Variants in RPS6KC1 observed in about 807,000 individuals in gnomAD.
RPS6KC1 encodes inactive ribosomal protein S6 kinase delta-1.
In RPS6KC1, 54 loss-of-function variants were observed where a neutral mutation model predicts 103.8. That is an observed-to-expected ratio of 0.52 (90% CI 0.42 to 0.65). The LOEUF (loss-of-function observed/expected upper bound fraction) is 0.65, where lower values mean the gene tolerates loss of function less well. RPS6KC1 is among the 30% of genes least tolerant of loss of function. RPS6KC1 has a pLI of 0.00. For synonymous variants in RPS6KC1, 439 were observed against 438.7 expected (o/e 1.00, Z -0.01); for missense variants, 1,151 against 1,253.8 (o/e 0.92, Z 1.24).
chr1:213,274,158 T>C lies in RPS6KC1; in HGVS notation c.*1524T>C, dbSNP rs916565363. On this transcript the variant is annotated 3_prime_UTR_variant, in exon 15 of 15. Transcript: ENST00000366960. ...GCTGAAAGGCTGCAACAACACCAGGTTGGGGAGCAGGTCACCAGGATCATA... is the reference window on the plus strand; with the variant it reads ...GCTGAAAGGCTGCAACAACACCAGGCTGGGGAGCAGGTCACCAGGATCATA... 2 of 152,178 alleles carry C rather than the reference T, an allele frequency of 1.3e-5. No homozygotes were observed. Among genetic ancestry groups the C allele is most frequent in the Non-Finnish European group, 2.9e-5 (2 of 68,032 alleles). 9.4% of individuals were successfully genotyped at this position (152,178 alleles called of 1,614,324 possible).
At chr1:213,363,277 A>G in the RPS6KC1 span, among the ~76,000 whole-genome samples, 6 of 152,166 alleles carry the variant, frequency 3.9e-5, no homozygotes, top group Admixed American at 3.3e-4. Context: ...TTGATCAGTT[A>G]GAATTCACTC....
chr1:213,138,766 C>T (rs1356864196), intron 6 of RPS6KC1, among the ~76,000 whole-genome samples: 1 of 152,172 alleles, frequency 6.6e-6, no homozygotes, highest in East Asian at 1.9e-4. Flanking sequence ...CGTTGATGGG[C>T]ATCTAGCTTG....
intron 4 of RPS6KC1, among the ~76,000 whole-genome samples, chr1:213,108,936 C>T (rs187697605): frequency 4.6e-5 from 7 of 151,146 alleles, no homozygotes; most frequent in Admixed American, 4.6e-4. Flanking sequence ...AGGTGTGAGT[C>T]ACCACACCTG....
the RPS6KC1 span, among the ~76,000 whole-genome samples, chr1:213,382,130 C>A: frequency 6.6e-6 from 1 of 152,178 alleles, no homozygotes; most frequent in Non-Finnish European, 1.5e-5. Flanking sequence ...AGCTCCAAGC[C>A]CTGCCAGTCC....
the RPS6KC1 span, among the ~76,000 whole-genome samples, chr1:213,523,641 T>C: frequency 6.6e-6 from 1 of 152,240 alleles, no homozygotes; most frequent in Non-Finnish European, 1.5e-5. Context: ...CATTGTTATC[T>C]TTATGACCAT....
intron 7 of RPS6KC1, among the ~76,000 whole-genome samples, chr1:213,171,956 C>T (rs568472904): frequency 6.6e-6 from 1 of 152,272 alleles, no homozygotes; most frequent in African/African-American, 2.4e-5. Context: ...TTGATACATT[C>T]TTTGTGGTGC....
the RPS6KC1 span, among the ~76,000 whole-genome samples, chr1:213,399,215 C>A: frequency 6.6e-6 from 1 of 152,184 alleles, no homozygotes; most frequent in Non-Finnish European, 1.5e-5. Flanking sequence ...ATAGTCCCTG[C>A]CTTCCAGGAG....
chr1:213,582,479 CATT>C, the RPS6KC1 span, among the ~76,000 whole-genome samples: 1 of 152,160 alleles, frequency 6.6e-6, no homozygotes, highest in African/African-American at 2.4e-5. Context: ...ACCAGGATCA[CATT>C]ATCAGAGGTG....
the RPS6KC1 span, among the ~76,000 whole-genome samples, chr1:213,811,428 G>A: frequency 6.6e-6 from 1 of 152,152 alleles, no homozygotes; most frequent in Admixed American, 6.5e-5. Context: ...GTATTGTAGA[G>A]GCTCAATGAA....
the RPS6KC1 span, among the ~76,000 whole-genome samples, chr1:213,804,844 T>A: frequency 6.6e-6 from 1 of 152,220 alleles, no homozygotes; most frequent in Non-Finnish European, 1.5e-5. Flanking sequence ...CTGTGAACAC[T>A]CGAGTGAACA....
At chr1:213,498,519 A>C in the RPS6KC1 span, among the ~76,000 whole-genome samples, 1 of 151,946 alleles carries the variant, frequency 6.6e-6, no homozygotes, top group Non-Finnish European at 1.5e-5. Flanking sequence ...CAGTGGTGCG[A>C]TCTTGGCTCA....
the RPS6KC1 span, among the ~76,000 whole-genome samples, chr1:213,535,419 C>A: frequency 6.6e-6 from 1 of 152,334 alleles, no homozygotes. Context: ...CATAATAACA[C>A]TGCAGGGTCC....
chr1:213,555,100 A>G, the RPS6KC1 span, among the ~76,000 whole-genome samples: 175 of 152,350 alleles, frequency 1.1e-3, no homozygotes, highest in African/African-American at 4.0e-3. Flanking sequence ...ACCTATTCGT[A>G]GAAGAAAGCT....
chr1:213,673,607 C>A, the RPS6KC1 span, among the ~76,000 whole-genome samples: 2 of 152,110 alleles, frequency 1.3e-5, no homozygotes, highest in African/African-American at 4.8e-5. Context: ...CAGTGCCTAT[C>A]CCAAGACCAG....
chr1:213,194,928 G>A (rs999495689), intron 8 of RPS6KC1, among the ~76,000 whole-genome samples: 1 of 152,074 alleles, frequency 6.6e-6, no homozygotes, highest in African/African-American at 2.4e-5. Flanking sequence ...GTGACTGCTG[G>A]TTTATATAAC....
rs1558616565 is a variant in RPS6KC1, at chr1:213,241,953, C to CAGGTGCTA, written c.2479_2486dup (p.Asn829LysfsTer13). On this transcript the variant is annotated frameshift_variant, in exon 11 of 15. Transcript: ENST00000366960. LOFTEE classifies it high-confidence loss of function. ...TTATTCCGTATTTGTAGTCCACTCTCAGGTGCTAATGAATATATTGCAAGC... is the reference window on the plus strand; with the variant it reads ...TTATTCCGTATTTGTAGTCCACTCTCAGGTGCTAAGGTGCTAATGAATATATTGCAAGC... 1.9e-6 allele frequency: 3 copies of CAGGTGCTA among 1,613,914 alleles called. No individual in the cohort carries two copies. The highest frequency in any genetic ancestry group is 1.7e-5 in the Admixed American group (1 of 59,956).
At chr1:213,491,889 G>C in the RPS6KC1 span, among the ~76,000 whole-genome samples, 1 of 152,180 alleles carries the variant, frequency 6.6e-6, no homozygotes, top group African/African-American at 2.4e-5. Flanking sequence ...AAAATTGCCA[G>C]GTGGAGGTTG....
chr1:213,472,899 A>G, the RPS6KC1 span, among the ~76,000 whole-genome samples: 1 of 152,204 alleles, frequency 6.6e-6, no homozygotes, highest in Non-Finnish European at 1.5e-5. Context: ...AAGTTTGGCA[A>G]TTTATTTCTC....
the RPS6KC1 span, among the ~76,000 whole-genome samples, chr1:213,825,896 A>C: frequency 2.0e-5 from 3 of 152,226 alleles, no homozygotes; most frequent in Middle Eastern, 3.2e-3. Flanking sequence ...CACATAACCT[A>C]GTTTTTAAAT....
Sources: gnomAD v4.1 joint callset for allele counts (sites outside exome capture counted in the v4.1 genomes callset) on GRCh38, gnomAD v4.1.1 for gene constraint, MANE v1.5 for transcripts, NCBI Gene and HGNC (gene_info 2026-07-23, HGNC 2026-07-21) for gene names.